ARHGAP42: variants seen among roughly 807,000 people sequenced by gnomAD.
ARHGAP42 encodes Rho GTPase activating protein 42, also known as rho GTPase-activating protein 42.
Under a neutral mutation model 125.0 loss-of-function variants are expected in ARHGAP42, and 63 were observed. That is an observed-to-expected ratio of 0.50 (90% CI 0.41 to 0.62). The LOEUF (loss-of-function observed/expected upper bound fraction) is 0.62, where lower values mean the gene tolerates loss of function less well. Among genes scored for constraint, ARHGAP42 ranks in the 20% least tolerant of loss-of-function variants. ARHGAP42 has a pLI of 0.00. For missense variants in ARHGAP42, 766 were observed against 1,024.2 expected (o/e 0.75, Z 3.44); for synonymous variants, 339 against 351.0 (o/e 0.97, Z 0.38).
intron 3 of ARHGAP42, among the ~76,000 whole-genome samples, chr11:100,800,973 C>A (rs1401463225): frequency 6.6e-6 from 1 of 152,030 alleles, no homozygotes; most frequent in Non-Finnish European, 1.5e-5. Context: ...ATGCTTGGGA[C>A]CAAAAATGTT....
intron 4 of ARHGAP42, among the ~76,000 whole-genome samples, chr11:100,902,943 T>C (rs1866591691): frequency 6.6e-6 from 1 of 152,118 alleles, no homozygotes; most frequent in African/African-American, 2.4e-5. Flanking sequence ...GCTTACCCAA[T>C]GAACGGCCCC....
chr11:100,795,032 T>C (rs938228012), intron 2 of ARHGAP42, 73 bp from the exon 3 acceptor site: 1 of 1,152,466 alleles, frequency 8.7e-7, no homozygotes, highest in African/African-American at 1.6e-5. Context: ...TTTCTTGTAA[T>C]GTTTCTTCTT....
chr11:100,876,886 T>A (rs1865834617), intron 4 of ARHGAP42, among the ~76,000 whole-genome samples: 1 of 152,190 alleles, frequency 6.6e-6, no homozygotes, highest in Non-Finnish European at 1.5e-5. Context: ...TGAAGCCAAA[T>A]TTAATGCTCT....
intron 3 of ARHGAP42, among the ~76,000 whole-genome samples, chr11:100,803,635 G>A (rs1045643400): frequency 5.9e-5 from 9 of 152,332 alleles, no homozygotes; most frequent in African/African-American, 2.2e-4. Context: ...CCCAGTGGCT[G>A]CAGCATTCCT....
chr11:100,693,932 TTTTC>T (rs1328001013), intron 1 of ARHGAP42, among the ~76,000 whole-genome samples: 6 of 151,574 alleles, frequency 4.0e-5, no homozygotes, highest in East Asian at 1.9e-4. Flanking sequence ...GATTGCTTTC[TTTTC>T]TTTCTTTTTT....
chr11:100,955,806 A>AT (rs5794082), intron 12 of ARHGAP42, among the ~76,000 whole-genome samples: 134,045 of 151,964 alleles, frequency 0.88, 59,210 homozygotes, highest in East Asian at 1. Flanking sequence ...GGTGTTTTTG[A>AT]TTTTTTGTTT....
At chr11:100,712,300 C>G (rs1245778812) in intron 1 of ARHGAP42, among the ~76,000 whole-genome samples, 2 of 151,974 alleles carry the variant, frequency 1.3e-5, no homozygotes, top group African/African-American at 4.8e-5. Flanking sequence ...TTAGAAATGA[C>G]TTAAGTGATT....
In ARHGAP42 at chr11:100,894,036, G is replaced by A. The variant is rs564426394; in HGVS notation, c.385-19416G>A. On this transcript the variant is annotated intron_variant, in intron 4 of 23. Transcript: ENST00000298815. ...TTTTATTTTTTCTTTGCAATCCTTT[G>A]CAAATATAAGAAAAGATGAAGCATT... Among the ~76,000 whole-genome samples the A allele has an allele frequency of 5.9e-5, 9 of 152,132 alleles. No homozygotes were observed. The South Asian group carries it at 1.7e-3, about 28-fold the overall frequency.
At chr11:100,717,923 T>A (rs1591125338) in intron 1 of ARHGAP42, among the ~76,000 whole-genome samples, 3 of 140,906 alleles carry the variant, frequency 2.1e-5, no homozygotes, top group African/African-American at 5.3e-5. Flanking sequence ...GACTCTGCCT[T>A]AAAAAAAAAA....
intron 2 of ARHGAP42, among the ~76,000 whole-genome samples, chr11:100,785,503 A>G (rs1863411554): frequency 6.6e-6 from 1 of 152,156 alleles, no homozygotes; most frequent in East Asian, 1.9e-4. Context: ...AATTACAGAG[A>G]AGAGGTCACT....
At position 100,992,765 on chromosome 11, in the gene ARHGAP42, T is replaced by G. The variant is rs759445076; in HGVS notation, c.*3964T>G. On this transcript the variant is annotated 3_prime_UTR_variant, in exon 24 of 24. Coordinates refer to ENST00000298815, the MANE Select transcript of ARHGAP42 (RefSeq NM_152432.4). ...ATTTTTTGAGGGCAGCTGCCCTCAC[T>G]GTTTTAAATAAAGAATCTTACATAA... is the stretch of plus-strand genomic sequence containing the variant. 47 of 1,464,474 alleles carry G rather than the reference T, an allele frequency of 3.2e-5. No individual in the cohort carries two copies. Among genetic ancestry groups the G allele is most frequent in the Non-Finnish European group, 4.0e-5 (44 of 1,087,254 alleles). 90.7% of individuals were successfully genotyped at this position (1,464,474 alleles called of 1,614,324 possible). A position where few individuals can be genotyped will look rare whatever the true frequency, so the allele number is the denominator to read the frequency against.
At chr11:100,969,273 C>T (rs1271398340) in intron 17 of ARHGAP42, among the ~76,000 whole-genome samples, 1 of 151,942 alleles carries the variant, frequency 6.6e-6, no homozygotes, top group Non-Finnish European at 1.5e-5. Flanking sequence ...TCTCTTGATG[C>T]TTTCAGAATT....
At chr11:100,971,843 C>T (rs1279596053) in intron 17 of ARHGAP42, among the ~76,000 whole-genome samples, 1 of 152,062 alleles carries the variant, frequency 6.6e-6, no homozygotes, top group Non-Finnish European at 1.5e-5. Context: ...GATAAGGAAA[C>T]CGAAACCTAG....
chr11:100,927,098 C>T (rs1358091190), intron 6 of ARHGAP42, among the ~76,000 whole-genome samples: 1 of 152,058 alleles, frequency 6.6e-6, no homozygotes, highest in Non-Finnish European at 1.5e-5. Context: ...GAAAATTTGC[C>T]TAATTTGCTA....
rs1858858113 is a variant in ARHGAP42, at chr11:100,992,417, G to T, written c.*3616G>T. On this transcript the variant is annotated 3_prime_UTR_variant, in exon 24 of 24. Transcript: ENST00000298815. ...AGAAGTTACTTTCCCCTTGACTAAAGGTTTCCCCTTAGGGTACACATTGCT... is the reference window on the plus strand; with the variant it reads ...AGAAGTTACTTTCCCCTTGACTAAATGTTTCCCCTTAGGGTACACATTGCT... The T allele has an allele frequency of 1.2e-6, 2 of 1,613,942 alleles. No homozygotes were observed. Among genetic ancestry groups the T allele is most frequent in the African/African-American group, 1.3e-5 (1 of 74,914 alleles).
At chr11:100,818,619 T>C (rs1864327690) in intron 3 of ARHGAP42, among the ~76,000 whole-genome samples, 1 of 152,056 alleles carries the variant, frequency 6.6e-6, no homozygotes, top group South Asian at 2.1e-4. Flanking sequence ...CTGGAGTGAA[T>C]ATTGGAGAAT....
At chr11:100,724,915 T>C (rs899998111) in intron 1 of ARHGAP42, among the ~76,000 whole-genome samples, 1 of 152,104 alleles carries the variant, frequency 6.6e-6, no homozygotes, top group Non-Finnish European at 1.5e-5. Flanking sequence ...GAAGCTTAAT[T>C]AATGCTTTTA....
intron 4 of ARHGAP42, among the ~76,000 whole-genome samples, chr11:100,911,970 TA>T (rs1490618527): frequency 2.0e-5 from 3 of 152,210 alleles, no homozygotes; most frequent in Non-Finnish European, 4.4e-5. Flanking sequence ...TTACATGGTC[TA>T]AAAGTGATGT....
chr11:100,792,681 CTTAGT>C (rs1011995712), intron 2 of ARHGAP42, among the ~76,000 whole-genome samples: 1 of 151,550 alleles, frequency 6.6e-6, no homozygotes, highest in Non-Finnish European at 1.5e-5. Flanking sequence ...AAGTCAGCTA[CTTAGT>C]TTATTGTGAT....
Sources: allele counts gnomAD v4.1 joint callset (sites outside exome capture counted in the v4.1 genomes callset), GRCh38; gene constraint gnomAD v4.1.1; transcripts MANE v1.5; gene names NCBI Gene and HGNC (gene_info 2026-07-23, HGNC 2026-07-21).